TANGO6: variants seen among roughly 807,000 people sequenced by gnomAD.
TANGO6 encodes transport and Golgi organization protein 6 homolog.
A neutral mutation model predicts 114.2 loss-of-function variants in TANGO6; 90 were observed. The ratio of observed to expected loss-of-function variants is 0.79; its 90% confidence interval spans 0.66 to 0.94. TANGO6 has a LOEUF of 0.94. TANGO6 is among the 40% of genes least tolerant of loss of function. The pLI, the probability that TANGO6 is intolerant of heterozygous loss-of-function variation, is 0.00. For synonymous variants in TANGO6, 477 were observed against 509.8 expected, an observed-to-expected ratio of 0.94 and a Z score of 0.87; for missense variants, 1,274 against 1,315.3, an observed-to-expected ratio of 0.97 and a Z score of 0.49.
intron 15 of TANGO6, among the ~76,000 whole-genome samples, chr16:69,017,852 A>G (rs1959328386): frequency 6.6e-6 from 1 of 152,096 alleles, no homozygotes; most frequent in Non-Finnish European, 1.5e-5. Context: ...CAGAAAGAGA[A>G]AGCACTGCAA....
chr16:69,033,802 TCA>T (rs1959641256), intron 16 of TANGO6: 1 of 152,790 alleles, frequency 6.5e-6, no homozygotes, highest in African/African-American at 2.4e-5. Context: ...GCTGTGGAAC[TCA>T]CAGAGACATG....
intron 15 of TANGO6, among the ~76,000 whole-genome samples, chr16:68,977,645 G>A (rs1217994161): frequency 2.0e-5 from 3 of 151,076 alleles, no homozygotes; most frequent in African/African-American, 7.3e-5. Context: ...AGAGGTTGCA[G>A]TGAGCTGGGA....
intron 17 of TANGO6, among the ~76,000 whole-genome samples, chr16:69,067,533 A>AAAAAAAAAAAAAAAAG (rs1960233589): frequency 6.8e-6 from 1 of 146,024 alleles, no homozygotes; most frequent in African/African-American, 2.6e-5. Flanking sequence ...AAAAAAAAAA[A>AAAAAAAAAAAAAAAAG]AAAACGCTGG....
chr16:69,000,590 CT>C (rs1022445473), intron 15 of TANGO6, among the ~76,000 whole-genome samples: 3 of 149,156 alleles, frequency 2.0e-5, no homozygotes, highest in South Asian at 2.1e-4. Context: ...AAAAATCTTT[CT>C]TTTTTTTTTC....
intron 1 of TANGO6, among the ~76,000 whole-genome samples, chr16:68,846,151 G>A (rs965444293): frequency 3.3e-5 from 5 of 151,964 alleles, no homozygotes; most frequent in African/African-American, 1.2e-4. Flanking sequence ...TCAGCCTCCC[G>A]AGTAGCTGGG....
At chr16:69,039,850 C>T (rs1346861974) in intron 16 of TANGO6, among the ~76,000 whole-genome samples, 1 of 152,138 alleles carries the variant, frequency 6.6e-6, no homozygotes, top group Non-Finnish European at 1.5e-5. Flanking sequence ...ATCAATGGTA[C>T]ATTCACATTC....
intron 17 of TANGO6, among the ~76,000 whole-genome samples, chr16:69,072,098 G>A (rs1432877004): frequency 1.4e-5 from 2 of 146,020 alleles, no homozygotes; most frequent in African/African-American, 5.1e-5. Context: ...GTGTGTGTGT[G>A]TATGTGTGAA....
chr16:68,956,196 A>G (rs1333583718), intron 14 of TANGO6, among the ~76,000 whole-genome samples: 1 of 152,156 alleles, frequency 6.6e-6, no homozygotes, highest in Non-Finnish European at 1.5e-5. Flanking sequence ...ATAGGGTAAC[A>G]TATTTAAAAC....
chr16:68,881,757 T>A (rs1962465131), intron 7 of TANGO6, among the ~76,000 whole-genome samples: 1 of 152,222 alleles, frequency 6.6e-6, no homozygotes, highest in African/African-American at 2.4e-5. Context: ...TGTTCTTTAT[T>A]ATCACAGCCT....
At chr16:69,007,575 A>G (rs1964104744) in intron 15 of TANGO6, among the ~76,000 whole-genome samples, 1 of 152,022 alleles carries the variant, frequency 6.6e-6, no homozygotes, top group South Asian at 2.1e-4. Context: ...TGGATATGCC[A>G]CATTTTTAAT....
At chr16:69,060,454 G>A (rs1319975465) in intron 17 of TANGO6, among the ~76,000 whole-genome samples, 1 of 152,124 alleles carries the variant, frequency 6.6e-6, no homozygotes, top group African/African-American at 2.4e-5. Context: ...ATGTAGCTTA[G>A]TATAGTGGTG....
At chr16:68,938,090 T>C (rs549907010) in intron 14 of TANGO6, among the ~76,000 whole-genome samples, 7 of 152,098 alleles carry the variant, frequency 4.6e-5, no homozygotes, top group Admixed American at 1.3e-4. Flanking sequence ...TTTCCACAGC[T>C]TTGCCAATAC....
intron 15 of TANGO6, among the ~76,000 whole-genome samples, chr16:68,986,340 C>T (rs897661415): frequency 3.3e-5 from 5 of 151,998 alleles, no homozygotes; most frequent in Admixed American, 3.3e-4. Flanking sequence ...AGTAGAGTGA[C>T]CCCCAGGAAT....
chr16:68,895,327 C>G (rs991263934), intron 7 of TANGO6, among the ~76,000 whole-genome samples: 1 of 152,040 alleles, frequency 6.6e-6, no homozygotes, highest in African/African-American at 2.4e-5. Flanking sequence ...CCAGCCTGGA[C>G]CACAGAGCAA....
intron 14 of TANGO6, among the ~76,000 whole-genome samples, chr16:68,945,401 C>T (rs1963403361): frequency 6.6e-6 from 1 of 151,716 alleles, no homozygotes; most frequent in Non-Finnish European, 1.5e-5. Flanking sequence ...GGTTTTAGGT[C>T]ACAATAGGGA....
intron 14 of TANGO6, among the ~76,000 whole-genome samples, chr16:68,939,161 A>C (rs1215963560): frequency 1.3e-5 from 2 of 151,980 alleles, no homozygotes; most frequent in African/African-American, 4.8e-5. Flanking sequence ...CAATATAATA[A>C]ATTTAGTTTG....
intron 9 of TANGO6, among the ~76,000 whole-genome samples, chr16:68,906,004 C>T (rs930718021): frequency 7.2e-5 from 11 of 152,072 alleles, no homozygotes; most frequent in African/African-American, 2.7e-4. Flanking sequence ...CATAGTGAAA[C>T]CCTGTCTCTA....
rs1961759137 is a variant in TANGO6 at position 68,843,686 on chromosome 16, A to G, written c.69A>G (p.Ala23=). The G allele has an allele frequency of 3.7e-6, 6 of 1,613,550 alleles. No individual in the cohort carries two copies. Among genetic ancestry groups the G allele is most frequent in the Middle Eastern group, 1.6e-4 (1 of 6,082 alleles). ...ETCGLDRILE[A]LKLLLSPGGS... ...GCGGTCTGGATCGGATTTTGGAGGC[A>G]TTGAAGCTGCTGCTGAGCCCGGGAG... The change falls in exon 1 of 18, where the codon GCA becomes GCG. Residue 23 remains alanine, a synonymous_variant. Transcript: ENST00000261778.
chr16:69,000,066 T>G (rs1490192399), intron 15 of TANGO6, among the ~76,000 whole-genome samples: 1 of 152,234 alleles, frequency 6.6e-6, no homozygotes, highest in East Asian at 1.9e-4. Flanking sequence ...GCCAGGAAAT[T>G]TGGTTACCTT....
Sources: allele counts gnomAD v4.1 joint callset (sites outside exome capture counted in the v4.1 genomes callset), GRCh38; gene constraint gnomAD v4.1.1; transcripts MANE v1.5; gene names NCBI Gene and HGNC (gene_info 2026-07-23, HGNC 2026-07-21).